The following ITSN1 variants were observed in gnomAD, a reference collection of about 807,000 sequenced individuals.
ITSN1 encodes intersectin-1.
A neutral mutation model predicts 239.8 loss-of-function variants in ITSN1; 58 were observed. The ratio of observed to expected loss-of-function variants is 0.24; its 90% CI spans 0.20 to 0.30. ITSN1 has a LOEUF of 0.30. Ranked by LOEUF, ITSN1 falls within the 10% of genes least tolerant of loss-of-function variation. The pLI, the probability that ITSN1 is intolerant of heterozygous loss-of-function variation, is 1.00. For synonymous variants in ITSN1, 780 were observed against 770.8 expected (o/e 1.01, Z -0.20); for missense variants, 1,558 against 2,103.3 (o/e 0.74, Z 5.07).
At chr21:33,667,979 A>G (rs1010987669) in intron 1 of ITSN1, among the ~76,000 whole-genome samples, 2 of 152,070 alleles carry the variant, frequency 1.3e-5, no homozygotes, top group Non-Finnish European at 2.9e-5. Flanking sequence ...GGATAGGAGG[A>G]TGGGCTGCTA....
At chr21:33,757,689 T>C (rs2068019640) in intron 8 of ITSN1, among the ~76,000 whole-genome samples, 2 of 152,216 alleles carry the variant, frequency 1.3e-5, no homozygotes, top group Admixed American at 6.5e-5. Context: ...AATAATTTTA[T>C]GAAGTCAGAA....
At chr21:33,825,955 T>C (rs1602466669) in intron 25 of ITSN1, among the ~76,000 whole-genome samples, 1 of 152,128 alleles carries the variant, frequency 6.6e-6, no homozygotes, top group African/African-American at 2.4e-5. Context: ...ATTAAGCCTT[T>C]TGTTTTGTTT....
intron 1 of ITSN1, among the ~76,000 whole-genome samples, chr21:33,649,554 G>A (rs2088313682): frequency 1.3e-5 from 2 of 152,168 alleles, no homozygotes; most frequent in Admixed American, 1.3e-4. Context: ...GAGTTTGGCT[G>A]CCTAGCTCAG....
At chr21:33,802,548 C>T (rs764301386) in intron 20 of ITSN1, 104 bp downstream of exon 20, 22 of 1,190,750 alleles carry the variant, frequency 1.8e-5, no homozygotes, top group Admixed American at 7.3e-5. Context: ...GGTGTTGTTG[C>T]GGCAGTAAAA....
chr21:33,867,160 G>T, intron 32 of ITSN1, 73 bp from the exon 33 acceptor site: 1 of 848,606 alleles, frequency 1.2e-6, no homozygotes. Context: ...AGTCCTCACT[G>T]ACATTAGTAT....
chr21:33,693,347 GTTTT>G (rs987135518), intron 1 of ITSN1, among the ~76,000 whole-genome samples: 19 of 149,752 alleles, frequency 1.3e-4, no homozygotes, highest in Non-Finnish European at 2.4e-4. Context: ...GTTTTGTTTT[GTTTT>G]GTTTTTTTTG....
At chr21:33,718,652 C>A in intron 1 of ITSN1, 145 bp from the exon 2 acceptor site, 2 of 644,836 alleles carry the variant, frequency 3.1e-6, no homozygotes, top group South Asian at 1.8e-5. Flanking sequence ...AAAAGTAACA[C>A]GTGAATGAAT....
Position 33,778,055 on chromosome 21 carries a change from T to G in ITSN1, c.1596+2947T>G, listed in dbSNP as rs113610354. Among the ~76,000 whole-genome samples, 17 of 152,298 alleles carry G rather than the reference T, an allele frequency of 1.1e-4. 1 individual carries two copies. Among genetic ancestry groups the G allele is most frequent in the African/African-American group, 3.4e-4 (14 of 41,588 alleles). On this transcript the variant is annotated intron_variant, in intron 14 of 39. Transcript: ENST00000381318. ...TAAGTATGTGTTTTTTCTTTCTTATTTTGTTAATATGATGAAGTACATGGT... is the reference window on the plus strand; with the variant it reads ...TAAGTATGTGTTTTTTCTTTCTTATGTTGTTAATATGATGAAGTACATGGT...
chr21:33,818,120 G>T (rs1478633712), intron 22 of ITSN1, 147 bp from the exon 23 acceptor site: 2 of 646,644 alleles, frequency 3.1e-6, no homozygotes, highest in Admixed American at 5.8e-5. Context: ...GAAGCATCCA[G>T]CCCTCCTGCT....
intron 16 of ITSN1, among the ~76,000 whole-genome samples, chr21:33,782,728 A>C (rs1184182810): frequency 6.6e-6 from 1 of 152,154 alleles, no homozygotes; most frequent in Non-Finnish European, 1.5e-5. Context: ...GTATCATCTT[A>C]AGAATGTTAA....
chr21:33,681,864 T>A (rs1260956889), intron 1 of ITSN1, among the ~76,000 whole-genome samples: 2 of 151,576 alleles, frequency 1.3e-5, no homozygotes, highest in Non-Finnish European at 2.9e-5. Flanking sequence ...GTAGAGGGGT[T>A]TCACCGTGTT....
rs986369683 is a variant in ITSN1, at chr21:33,725,928, A to T, written c.185+3277A>T. On this transcript the variant is annotated intron_variant, in intron 4 of 39. Coordinates refer to ENST00000381318, the MANE Select transcript of ITSN1 (RefSeq NM_003024.3). ...TCTGCCTTTCAACTGAGCTGATTTG[A>T]TACTTATTCACATAGTAACCCTGAG... 2.6e-5 allele frequency among the ~76,000 whole-genome samples: 4 copies of T among 152,190 alleles called. No individual in the cohort carries two copies. The East Asian group carries it at 7.7e-4, about 29-fold the overall frequency.
At chr21:33,852,533 GT>G (rs1028877368) in intron 29 of ITSN1, among the ~76,000 whole-genome samples, 2 of 151,452 alleles carry the variant, frequency 1.3e-5, no homozygotes, top group South Asian at 2.1e-4. Context: ...TATTGGTAAG[GT>G]TTTTTTTTCC....
At chr21:33,824,495 A>T (rs1602458451) in intron 25 of ITSN1, among the ~76,000 whole-genome samples, 1 of 151,886 alleles carries the variant, frequency 6.6e-6, no homozygotes, top group Non-Finnish European at 1.5e-5. Flanking sequence ...TTTTCTCCTC[A>T]TACCTCCTAG....
At chr21:33,672,868 C>T (rs533867314) in intron 1 of ITSN1, among the ~76,000 whole-genome samples, 31 of 152,308 alleles carry the variant, frequency 2.0e-4, no homozygotes, top group African/African-American at 6.7e-4. Context: ...CGTGCCACCA[C>T]GCCCTGCTAA....
At chr21:33,741,235 T>C (rs2066829355) in intron 5 of ITSN1, among the ~76,000 whole-genome samples, 1 of 152,240 alleles carries the variant, frequency 6.6e-6, no homozygotes, top group Non-Finnish European at 1.5e-5. Context: ...TTTTATTTGT[T>C]GCTTGAGTAG....
At chr21:33,687,220 G>GA (rs1424425920) in intron 1 of ITSN1, among the ~76,000 whole-genome samples, 1 of 149,798 alleles carries the variant, frequency 6.7e-6, no homozygotes, top group African/African-American at 2.5e-5. Context: ...GACAGAGCGA[G>GA]ACTCTGTCTC....
At chr21:33,711,276 A>AT (rs200640460) in intron 1 of ITSN1, among the ~76,000 whole-genome samples, 47 of 147,764 alleles carry the variant, frequency 3.2e-4, no homozygotes, top group Admixed American at 8.1e-4. Context: ...TATTTCTACG[A>AT]TTTTTTTTTC....
chr21:33,843,377 A>C (rs923896778), intron 29 of ITSN1, among the ~76,000 whole-genome samples: 11 of 152,138 alleles, frequency 7.2e-5, no homozygotes, highest in Admixed American at 3.3e-4. Flanking sequence ...GGATTCCAAC[A>C]CATTTTCAAC....
Sources: gnomAD v4.1 joint callset for allele counts (sites outside exome capture counted in the v4.1 genomes callset) on GRCh38, gnomAD v4.1.1 for gene constraint, MANE v1.5 for transcripts, NCBI Gene and HGNC (gene_info 2026-07-23, HGNC 2026-07-21) for gene names.